Variants in TRPM7 observed in about 807,000 individuals in gnomAD.
TRPM7 encodes the protein transient receptor potential cation channel subfamily M member 7, also known as LTRPC ion channel family member 7.
In TRPM7, 134 loss-of-function variants were observed where a neutral mutation model predicts 229.7. The ratio of observed to expected loss-of-function variants is 0.58; its 90% CI spans 0.51 to 0.67. The LOEUF (loss-of-function observed/expected upper bound fraction) is 0.67. TRPM7 is among the 30% of genes least tolerant of loss of function. The pLI, the probability that TRPM7 is intolerant of heterozygous loss-of-function variation, is 0.00. For missense variants in TRPM7, 1,901 were observed against 2,210.0 expected (o/e 0.86, Z 2.80); for synonymous variants, 699 against 715.2 (o/e 0.98, Z 0.36).
chr15:50,580,773 C>A (rs1169507052), intron 30 of TRPM7, 101 bp downstream of exon 30: 15 of 1,065,626 alleles, frequency 1.4e-5, no homozygotes, highest in Admixed American at 2.7e-5. Context: ...AATCATCACT[C>A]ATAAAGAAAT....
At chr15:50,590,884 TAG>T (rs749063793) in intron 26 of TRPM7, among the ~76,000 whole-genome samples, 2 of 152,078 alleles carry the variant, frequency 1.3e-5, no homozygotes, top group East Asian at 3.9e-4. Flanking sequence ...TCTATGTATC[TAG>T]AGTGAATCCC....
chr15:50,594,631 AAAAAT>A lies in TRPM7; in HGVS notation c.3291-23_3291-19del, dbSNP rs1309121336. The A allele has an allele frequency of 1.4e-5, 21 of 1,506,224 alleles. No individual in the cohort carries two copies. In the Admixed American group the frequency reaches 4.2e-4, roughly 30 times the overall value. The allele number at this position is 1,506,224 out of a possible 1,614,324, so 93.3% of individuals were successfully genotyped here. On this transcript the variant is annotated intron_variant, in intron 23 of 38. Transcript: ENST00000646667. ...ACACATTGCTAGAGAAATAATGAAT[AAAAAT>A]AAAATAAACTTTGTTAATCATCTCT...
chr15:50,635,101 A>G (rs2060849940), intron 7 of TRPM7, among the ~76,000 whole-genome samples: 1 of 151,700 alleles, frequency 6.6e-6, no homozygotes. Flanking sequence ...ACGGATCACA[A>G]GGTCAGGAGA....
chr15:50,622,337 G>A (rs1309210665), intron 12 of TRPM7, among the ~76,000 whole-genome samples: 1 of 152,104 alleles, frequency 6.6e-6, no homozygotes, highest in East Asian at 1.9e-4. Context: ...GCCCTTAAAT[G>A]TTTTAAAACT....
intron 38 of TRPM7, among the ~76,000 whole-genome samples, chr15:50,563,496 G>A: frequency 6.6e-6 from 1 of 152,204 alleles, no homozygotes; most frequent in Non-Finnish European, 1.5e-5. Flanking sequence ...CATGAAGACA[G>A]AGAAGAGCAG....
intron 2 of TRPM7, among the ~76,000 whole-genome samples, chr15:50,659,843 T>A (rs2061682291): frequency 6.6e-6 from 1 of 152,068 alleles, no homozygotes; most frequent in Admixed American, 6.6e-5. Flanking sequence ...AGTTTTTATA[T>A]TTTTAGTAGA....
In TRPM7 at chr15:50,628,246, G is replaced by C; in HGVS notation, c.1208C>G (p.Thr403Ser). The change falls in exon 11 of 39, where the codon ACT (threonine) becomes AGT (serine). Residue 403 changes from threonine to serine, a missense_variant. By Grantham distance (58) the Thr-to-Ser change is moderately conservative. This residue lies in a region of TRPM7 where 794 missense variants were observed against 881.9 expected (regional missense o/e 0.90). Transcript: ENST00000646667. ...VAILTALLKG[T>S]NASAFDQLIL... ...AAGCTGGTCAAATGCAGATGCATTA[G>C]TACCTAATCGAATAAAGAAAATAGT... The C allele has an allele frequency of 6.2e-7, 1 of 1,602,014 alleles. No homozygotes were observed. Among genetic ancestry groups the C allele is most frequent in the Non-Finnish European group, 8.5e-7 (1 of 1,171,962 alleles).
chr15:50,564,914 T>C (rs998433285), intron 38 of TRPM7, among the ~76,000 whole-genome samples: 4 of 152,154 alleles, frequency 2.6e-5, no homozygotes, highest in Non-Finnish European at 5.9e-5. Flanking sequence ...ACCTTAATTA[T>C]ATTGTTAACT....
chr15:50,585,173 T>C (rs1596103369), intron 28 of TRPM7, among the ~76,000 whole-genome samples: 1 of 149,874 alleles, frequency 6.7e-6, no homozygotes, highest in East Asian at 2.0e-4. Flanking sequence ...GCCATTCTCC[T>C]GCCTCAGCCT....
chr15:50,686,297 G>T (rs566552157), intron 1 of TRPM7, among the ~76,000 whole-genome samples: 11 of 152,306 alleles, frequency 7.2e-5, no homozygotes, highest in Non-Finnish European at 1.2e-4. Context: ...CCGAGTCTCG[G>T]CTCAGGGGAT....
At chr15:50,625,830 T>G (rs1464633389) in intron 11 of TRPM7, among the ~76,000 whole-genome samples, 1 of 152,246 alleles carries the variant, frequency 6.6e-6, no homozygotes. Context: ...TTCACTTGCT[T>G]AAAAATAAGG....
At chr15:50,590,875 C>CT (rs1163078186) in intron 26 of TRPM7, among the ~76,000 whole-genome samples, 1 of 151,240 alleles carries the variant, frequency 6.6e-6, no homozygotes, top group African/African-American at 2.4e-5. Context: ...AAAGTTATAT[C>CT]TATGTATCTA....
At chr15:50,562,916 G>C (rs940907302) in intron 38 of TRPM7, among the ~76,000 whole-genome samples, 6 of 152,124 alleles carry the variant, frequency 3.9e-5, no homozygotes, top group African/African-American at 1.4e-4. Context: ...CCTTAATATT[G>C]AGAAGTGAAC....
chr15:50,576,867 G>C (rs915365768), intron 31 of TRPM7, among the ~76,000 whole-genome samples: 1 of 152,212 alleles, frequency 6.6e-6, no homozygotes, highest in African/African-American at 2.4e-5. Flanking sequence ...AACACTTTGG[G>C]AGGCTGAGGT....
At chr15:50,682,868 C>T (rs934890075) in intron 1 of TRPM7, among the ~76,000 whole-genome samples, 15 of 151,694 alleles carry the variant, frequency 9.9e-5, no homozygotes, top group African/African-American at 3.1e-4. Context: ...AAACTAACCT[C>T]AACCACTGAA....
intron 19 of TRPM7, 33 bp from the exon 20 acceptor site, chr15:50,607,361 T>A (rs80069978): frequency 1.3e-6 from 2 of 1,481,858 alleles, no homozygotes; most frequent in East Asian, 2.4e-5. Context: ...ATAAATAACA[T>A]TGGTTACAAA....
intron 3 of TRPM7, among the ~76,000 whole-genome samples, chr15:50,653,032 TCA>T (rs1390324790): frequency 2.6e-5 from 4 of 152,204 alleles, no homozygotes; most frequent in Middle Eastern, 6.8e-3. Flanking sequence ...GCACCTGTGG[TCA>T]CAGTTACTTG....
intron 7 of TRPM7, among the ~76,000 whole-genome samples, chr15:50,635,975 T>C (rs1880054699): frequency 6.7e-6 from 1 of 150,208 alleles, no homozygotes. Context: ...CGAGACTCCA[T>C]CTCAAAAAAA....
chr15:50,570,220 C>G (rs1210696452), intron 36 of TRPM7, 65 bp from the exon 37 acceptor site: 2 of 1,151,174 alleles, frequency 1.7e-6, no homozygotes, highest in Admixed American at 2.5e-5. Context: ...ATACTGACAT[C>G]TGCATAATAA....
Sources: gnomAD v4.1 joint callset for allele counts (sites outside exome capture counted in the v4.1 genomes callset) on GRCh38, gnomAD v4.1.1 for gene constraint, gnomAD v4.1.1 regional missense constraint, MANE v1.5 for transcripts, NCBI Gene and HGNC (gene_info 2026-07-23, HGNC 2026-07-21) for gene names.